Variants in OMD observed in about 807,000 individuals in gnomAD.
OMD encodes KSPG osteomodulin.
OMD carries 19 observed loss-of-function variants against 31.2 expected under a neutral mutation model. The ratio of observed to expected loss-of-function variants is 0.61; its 90% CI spans 0.42 to 0.89. The LOEUF (loss-of-function observed/expected upper bound fraction) is 0.89. OMD is among the 40% of genes least tolerant of loss of function. The pLI, the probability that OMD is intolerant of heterozygous loss-of-function variation, is 0.00. For synonymous variants in OMD, 155 were observed against 166.4 expected, an observed-to-expected ratio of 0.93 and a Z score of 0.53; for missense variants, 448 against 490.8, an observed-to-expected ratio of 0.91 and a Z score of 0.82.
At chr9:92,415,836 T>C (rs1843576845) in intron 2 of OMD, among the ~76,000 whole-genome samples, 1 of 145,978 alleles carries the variant, frequency 6.9e-6, no homozygotes, top group African/African-American at 2.5e-5. Context: ...AATTTATACA[T>C]ATATATAAAA....
chr9:92,421,147 C>T (rs774340760), intron 1 of OMD, among the ~76,000 whole-genome samples: 10 of 152,148 alleles, frequency 6.6e-5, no homozygotes, highest in Non-Finnish European at 1.2e-4. Context: ...TCAAGTGACT[C>T]TCTTACTTCA....
At chr9:92,415,796 CTT>C (rs1045340802) in intron 2 of OMD, among the ~76,000 whole-genome samples, 6 of 146,996 alleles carry the variant, frequency 4.1e-5, no homozygotes, top group Non-Finnish European at 7.5e-5. Context: ...TTATTTCTCT[CTT>C]TTATATATAT....
Position 92,415,124 on chromosome 9 carries a change from C to G in OMD, c.*28G>C, listed in dbSNP as rs1319535611. On this transcript the variant is annotated 3_prime_UTR_variant, in exon 3 of 3. Transcript: ENST00000375550. ...ATATTAAGTATAGGTTTTGTGAAGT[C>G]GTAAGTGTATACCTATATAGTTTCT... 1 of 1,524,102 alleles carries G rather than the reference C, an allele frequency of 6.6e-7. No homozygotes were observed. Among genetic ancestry groups the G allele is most frequent in the Non-Finnish European group, 8.8e-7 (1 of 1,131,414 alleles). 94.4% of individuals were successfully genotyped at this position (1,524,102 alleles called of 1,614,324 possible).
At chr9:92,419,021 G>A (rs1424870763) in intron 1 of OMD, among the ~76,000 whole-genome samples, 1 of 152,130 alleles carries the variant, frequency 6.6e-6, no homozygotes, top group African/African-American at 2.4e-5. Flanking sequence ...TCTCCCAGGT[G>A]TTTAAAGTCT....
chr9:92,421,900 G>A (rs1361842489), intron 1 of OMD, among the ~76,000 whole-genome samples: 5 of 152,118 alleles, frequency 3.3e-5, no homozygotes, highest in Non-Finnish European at 7.3e-5. Context: ...GCCTTACGGA[G>A]ACAGGAAAGT....
intron 1 of OMD, among the ~76,000 whole-genome samples, 156 bp from the exon 2 acceptor site, chr9:92,417,730 C>CT (rs1183368407): frequency 6.6e-6 from 1 of 151,682 alleles, no homozygotes; most frequent in Admixed American, 6.6e-5. Flanking sequence ...AAATTTTTTT[C>CT]TTTTTTTGTG....
chr9:92,416,247 A>G (rs2130958169), intron 2 of OMD, among the ~76,000 whole-genome samples: 1 of 151,648 alleles, frequency 6.6e-6, no homozygotes, highest in East Asian at 1.9e-4. Flanking sequence ...GTACAGGCAC[A>G]TGCCACCATG....
intron 2 of OMD, among the ~76,000 whole-genome samples, chr9:92,416,345 C>T (rs1401937383): frequency 1.3e-5 from 2 of 151,678 alleles, no homozygotes; most frequent in Admixed American, 1.3e-4. Flanking sequence ...AGTGATCCAC[C>T]CCACCCGCCT....
chr9:92,420,375 T>C (rs1209865366), intron 1 of OMD, among the ~76,000 whole-genome samples: 1 of 152,198 alleles, frequency 6.6e-6, no homozygotes, highest in Non-Finnish European at 1.5e-5. Flanking sequence ...ACTTTCTGGC[T>C]CCTTCAATCT....
chr9:92,418,854 G>A (rs1843699150), intron 1 of OMD, among the ~76,000 whole-genome samples: 2 of 151,982 alleles, frequency 1.3e-5, no homozygotes, highest in South Asian at 2.1e-4. Context: ...TTTAGTCTCC[G>A]ACTCTGCTTG....
Position 92,424,305 on chromosome 9 carries a change from T to G in OMD, c.-120A>C, listed in dbSNP as rs1843901788. 6.6e-6 allele frequency: 1 copy of G among 152,216 alleles called. No homozygotes were observed. The highest frequency in any genetic ancestry group is 1.5e-5 in the Non-Finnish European group (1 of 68,044). The allele number at this position is 152,216 out of a possible 1,614,324, so 9.4% of individuals were successfully genotyped here. A position where few individuals can be genotyped will look rare whatever the true frequency, so the allele number is the denominator to read the frequency against. ...AACTGAGTCTCTTAAAAATCCACAGTAACTCTGTGTCCAGACAGGGCTGTC... is the reference window on the plus strand; with the variant it reads ...AACTGAGTCTCTTAAAAATCCACAGGAACTCTGTGTCCAGACAGGGCTGTC... On this transcript the variant is annotated 5_prime_UTR_variant, in exon 1 of 3. Coordinates refer to ENST00000375550, the MANE Select transcript of OMD (RefSeq NM_005014.3).
At position 92,422,239 on chromosome 9, in the gene OMD, A is replaced by T. The variant is rs546225849; in HGVS notation, c.-17+1963T>A. Among the ~76,000 whole-genome samples, 11 of 152,138 alleles carry T rather than the reference A, an allele frequency of 7.2e-5. No individual in the cohort carries two copies. In the South Asian group the frequency reaches 1.9e-3, roughly 26 times the overall value. ...CTACATTTTTTTGTATTTTTAGTTA[A>T]GACGGGATTTTGCCATGTTGGCCAG... On this transcript the variant is annotated intron_variant, in intron 1 of 2. Coordinates refer to ENST00000375550, the MANE Select transcript of OMD (RefSeq NM_005014.3).
intron 1 of OMD, among the ~76,000 whole-genome samples, chr9:92,418,261 A>G (rs775122544): frequency 4.7e-5 from 7 of 149,670 alleles, no homozygotes; most frequent in Non-Finnish European, 5.9e-5. Context: ...TAATTTTTGT[A>G]TTGTTAGTAG....
Position 92,417,096 on chromosome 9 carries a change from C to A in OMD, c.463G>T (p.Glu155Ter). ...GATTTAGGAAGAGGAAATGGAAATT[C>A]TTCTAAATTATTATGCTCTAGATGA... The part of the protein sequence containing the change: ...QLHLEHNNLE[E>*]FPFPLPKSLE... Residue 155 changes from glutamate (E) to a stop codon, truncating the protein, a stop_gained, in exon 2 of 3, where the codon GAA becomes TAA. Coordinates refer to ENST00000375550, the MANE Select transcript of OMD (RefSeq NM_005014.3). LOFTEE classifies it high-confidence loss of function. 1 of 1,613,778 alleles carries A rather than the reference C, an allele frequency of 6.2e-7. No homozygotes were observed. Among genetic ancestry groups the A allele is most frequent in the East Asian group, 2.2e-5 (1 of 44,854 alleles).
Position 92,417,465 on chromosome 9 carries a change from C to A in OMD, c.94G>T (p.Asp32Tyr). The change falls in exon 2 of 3, where the codon GAC becomes TAC. Residue 32 changes from aspartate to tyrosine, a missense_variant. Transcript: ENST00000375550. ...TGGTAATCATCATCTGGCTCTTGGTCATAGTCTTCATCCCACTGATAAGTT... is the reference window on the plus strand; with the variant it reads ...TGGTAATCATCATCTGGCTCTTGGTAATAGTCTTCATCCCACTGATAAGTT... ...YETYQWDEDY[D>Y]QEPDDDYQTG... 6.2e-7 allele frequency: 1 copy of A among 1,613,880 alleles called. No homozygotes were observed. The highest frequency in any genetic ancestry group is 1.1e-5 in the South Asian group (1 of 91,044).
At chr9:92,420,767 T>TA (rs1173940593) in intron 1 of OMD, among the ~76,000 whole-genome samples, 1 of 152,194 alleles carries the variant, frequency 6.6e-6, no homozygotes, top group East Asian at 1.9e-4. Flanking sequence ...GTTTTTTTTT[T>TA]AACAATATGT....
intron 2 of OMD, among the ~76,000 whole-genome samples, chr9:92,416,046 T>TATGTGTGTGTGTG (rs1202073989): frequency 6.0e-5 from 6 of 100,376 alleles, no homozygotes; most frequent in Admixed American, 3.6e-4. Flanking sequence ...AATAAATATA[T>TATGTGTGTGTGTG]TATATATGTG....
chr9:92,414,898 T>C lies in OMD; in HGVS notation c.*254A>G, dbSNP rs1843542884. 3.3e-6 allele frequency: 1 copy of C among 306,014 alleles called. No individual in the cohort carries two copies. The highest frequency in any genetic ancestry group is 5.9e-6 in the Non-Finnish European group (1 of 168,162). 19.0% of individuals were successfully genotyped at this position (306,014 alleles called of 1,614,324 possible). Reference sequence around the variant, plus strand: ...GATATTTCTATATTTAAAAAGAGCATAAGAAACCATTAACGTTTAATTTAT... The same window carrying C: ...GATATTTCTATATTTAAAAAGAGCACAAGAAACCATTAACGTTTAATTTAT... On this transcript the variant is annotated 3_prime_UTR_variant, in exon 3 of 3. Coordinates refer to ENST00000375550, the MANE Select transcript of OMD (RefSeq NM_005014.3).
chr9:92,415,124 C>T lies in OMD; in HGVS notation c.*28G>A, dbSNP rs1319535611. The stretch of plus-strand genomic sequence containing the variant: ...ATATTAAGTATAGGTTTTGTGAAGT[C>T]GTAAGTGTATACCTATATAGTTTCT... On this transcript the variant is annotated 3_prime_UTR_variant, in exon 3 of 3. Coordinates refer to ENST00000375550, the MANE Select transcript of OMD (RefSeq NM_005014.3). 7.2e-6 allele frequency: 11 copies of T among 1,523,984 alleles called. No homozygotes were observed. The highest frequency in any genetic ancestry group is 2.8e-5 in the African/African-American group (2 of 71,666). 94.4% of individuals were successfully genotyped at this position (1,523,984 alleles called of 1,614,324 possible).
Sources: allele counts gnomAD v4.1 joint callset (sites outside exome capture counted in the v4.1 genomes callset), GRCh38; gene constraint gnomAD v4.1.1; transcripts MANE v1.5; gene names NCBI Gene and HGNC (gene_info 2026-07-23, HGNC 2026-07-21).